Variants in ZNF704 observed in about 807,000 individuals in gnomAD.
The protein encoded by ZNF704 is zinc finger protein 704, also known as glucocorticoid induced gene 1.
ZNF704 carries 10 observed loss-of-function variants against 44.7 expected under a neutral mutation model. That is an observed-to-expected ratio of 0.22 (90% CI 0.14 to 0.38). The LOEUF (loss-of-function observed/expected upper bound fraction) is 0.38, where lower values mean the gene tolerates loss of function less well. Ranked by LOEUF, ZNF704 falls within the 10% of genes least tolerant of loss-of-function variation. The pLI is 1.00. For missense variants in ZNF704, 390 were observed against 545.5 expected (o/e 0.71, Z 2.84); for synonymous variants, 211 against 207.6 (o/e 1.02, Z -0.14).
At chr8:80,748,468 C>G (rs781442542) in intron 2 of ZNF704, among the ~76,000 whole-genome samples, 8 of 152,226 alleles carry the variant, frequency 5.3e-5, no homozygotes, top group Non-Finnish European at 1.2e-4. Context: ...GCTCCAGCAT[C>G]AGTGCCTTCA....
intron 2 of ZNF704, among the ~76,000 whole-genome samples, chr8:80,807,506 G>A (rs879748971): frequency 1.3e-5 from 2 of 151,616 alleles, no homozygotes; most frequent in Non-Finnish European, 2.9e-5. Flanking sequence ...CTTCTAAGTG[G>A]GTACCCAATA....
intron 3 of ZNF704, among the ~76,000 whole-genome samples, chr8:80,690,674 G>C (rs1818616612): frequency 6.6e-6 from 1 of 152,202 alleles, no homozygotes; most frequent in South Asian, 2.1e-4. Context: ...AATGGGAGTA[G>C]TCAGGCCCAT....
At chr8:80,802,701 G>A (rs1002437511) in intron 2 of ZNF704, among the ~76,000 whole-genome samples, 1 of 151,834 alleles carries the variant, frequency 6.6e-6, no homozygotes, top group Admixed American at 6.6e-5. Flanking sequence ...AAAATAATAC[G>A]AGCCATATAT....
intron 2 of ZNF704, among the ~76,000 whole-genome samples, chr8:80,740,030 G>A (rs1419279200): frequency 6.6e-6 from 1 of 152,102 alleles, no homozygotes; most frequent in Non-Finnish European, 1.5e-5. Flanking sequence ...ACTGTCTCCT[G>A]GATGCTGGCA....
At position 80,874,264 on chromosome 8, in the gene ZNF704, G is replaced by T. The variant is rs1475570582; in HGVS notation, c.-22+307C>A. ...GACGCCGGCGGCCGGCGGCTACGGC[G>T]GGGCGGCGCGGCGGCCGCGGGCGGG... On this transcript the variant is annotated intron_variant, in intron 1 of 8. Coordinates refer to ENST00000327835, the MANE Select transcript of ZNF704 (RefSeq NM_001033723.3). The surrounding 1 kb of genome is among the most constrained non-coding windows in gnomAD (Gnocchi z 4.4). Among the ~76,000 whole-genome samples, 4 of 144,472 alleles carry T rather than the reference G, an allele frequency of 2.8e-5. No individual in the cohort carries two copies. The highest frequency in any genetic ancestry group is 6.1e-5 in the Non-Finnish European group (4 of 65,180). The allele number at this position is 144,472 out of a possible 152,430, so 94.8% of individuals were successfully genotyped here.
rs1817769322 is a variant in ZNF704 at position 80,643,042 on chromosome 8, T to A, written c.1120A>T (p.Ser374Cys). Residue 374 changes from serine to cysteine, a missense_variant, in exon 8 of 9, where the codon AGC becomes TGC. Physicochemically the swap from Ser to Cys is moderately radical, Grantham distance 112. Transcript: ENST00000327835. ...VLSSPPRGTV[S>C]LRKPRGEGKK... ...TTTTTTAAGCTGTCGTACCTTAAGC[T>A]GACTGTGCCTCTGGGTGGGGAGGAC... The A allele has an allele frequency of 6.3e-7, 1 of 1,585,562 alleles. No homozygotes were observed. Among genetic ancestry groups the A allele is most frequent in the African/African-American group, 1.4e-5 (1 of 73,754 alleles).
chr8:80,665,331 T>C (rs115376529), intron 5 of ZNF704, among the ~76,000 whole-genome samples: 345 of 152,342 alleles, frequency 2.3e-3, no homozygotes, highest in African/African-American at 7.9e-3. Flanking sequence ...ATTGAGAATC[T>C]AATATGTTCA....
chr8:80,796,981 G>GAGGA (rs1807815692), intron 2 of ZNF704, among the ~76,000 whole-genome samples: 1 of 135,528 alleles, frequency 7.4e-6, no homozygotes, highest in South Asian at 2.8e-4. Flanking sequence ...GGGAGGGAGG[G>GAGGA]AGGGAGGGAG....
intron 5 of ZNF704, among the ~76,000 whole-genome samples, chr8:80,665,870 A>C (rs1374134556): frequency 2.0e-5 from 3 of 151,644 alleles, no homozygotes; most frequent in Non-Finnish European, 4.4e-5. Context: ...AGACCTCCTC[A>C]GCCATACTTC....
At chr8:80,705,038 G>A (rs1818873656) in intron 2 of ZNF704, among the ~76,000 whole-genome samples, 2 of 152,272 alleles carry the variant, frequency 1.3e-5, no homozygotes, top group East Asian at 1.9e-4. Flanking sequence ...GGTAGACAGT[G>A]TCACATTTGA....
chr8:80,775,301 T>C (rs2129678566), intron 2 of ZNF704, among the ~76,000 whole-genome samples: 1 of 152,348 alleles, frequency 6.6e-6, no homozygotes, highest in Middle Eastern at 3.4e-3. Flanking sequence ...TTTGTGAATT[T>C]TGTTTCTTTC....
Position 80,659,595 on chromosome 8 carries a change from G to C in ZNF704, c.1022C>G (p.Thr341Arg), listed in dbSNP as rs1818067596. The C allele has an allele frequency of 4.3e-6, 7 of 1,613,756 alleles. No homozygotes were observed. The East Asian group carries it at 1.6e-4, about 36-fold the overall frequency. ...CGTTTTTCTACTTACTGGGATGCCTGTGAAAGTGACCGGAGGAGATTGCCA... is the reference window on the plus strand; with the variant it reads ...CGTTTTTCTACTTACTGGGATGCCTCTGAAAGTGACCGGAGGAGATTGCCA... ...ISWQSPPVTF[T>R]GIPVSPTHHP... The change falls in exon 7 of 9, where the codon ACA (threonine) becomes AGA (arginine). Residue 341 changes from threonine (T) to arginine (R), a missense_variant. By Grantham distance (71) the Thr-to-Arg change is moderately conservative (BLOSUM62 -1). Coordinates refer to ENST00000327835, the MANE Select transcript of ZNF704 (RefSeq NM_001033723.3).
At chr8:80,762,638 C>A (rs763471759) in intron 2 of ZNF704, among the ~76,000 whole-genome samples, 1 of 152,128 alleles carries the variant, frequency 6.6e-6, no homozygotes, top group African/African-American at 2.4e-5. Context: ...AGGGACATAG[C>A]CAAACCATAT....
chr8:80,862,264 A>C (rs1344910796), intron 1 of ZNF704, among the ~76,000 whole-genome samples: 1 of 152,016 alleles, frequency 6.6e-6, no homozygotes, highest in Non-Finnish European at 1.5e-5. Flanking sequence ...TTTAACACAT[A>C]AAGCTAGGCA....
chr8:80,641,914 T>C (rs1817750946), intron 8 of ZNF704, among the ~76,000 whole-genome samples: 2 of 152,216 alleles, frequency 1.3e-5, no homozygotes, highest in African/African-American at 4.8e-5. Context: ...CTGTTAAAAT[T>C]TGCTACCATA....
chr8:80,871,762 AT>A (rs1409274065), intron 1 of ZNF704, among the ~76,000 whole-genome samples: 77 of 152,366 alleles, frequency 5.1e-4, no homozygotes, highest in African/African-American at 1.8e-3. Context: ...ATCTAGTGAT[AT>A]TCCATTAGAA....
chr8:80,700,679 G>A (rs895766578), intron 2 of ZNF704, among the ~76,000 whole-genome samples: 6 of 152,126 alleles, frequency 3.9e-5, no homozygotes, highest in African/African-American at 1.4e-4. Flanking sequence ...TGTGAGTTGG[G>A]GGTGATTAGA....
At position 80,693,211 on chromosome 8, in the gene ZNF704, A is replaced by G. The variant is rs541559307; in HGVS notation, c.222-104T>C. On this transcript the variant is annotated intron_variant, in intron 2 of 8. Coordinates refer to ENST00000327835, the MANE Select transcript of ZNF704 (RefSeq NM_001033723.3). ...GCATTTACTCCATTAACTTATCCCCATGAACAACCGATGTTCTGTTAGCTT... is the reference window on the plus strand; with the variant it reads ...GCATTTACTCCATTAACTTATCCCCGTGAACAACCGATGTTCTGTTAGCTT... 3.3e-6 allele frequency: 3 copies of G among 905,760 alleles called. No individual in the cohort carries two copies. The South Asian group carries it at 4.4e-5, about 13-fold the overall frequency. The allele number at this position is 905,760 out of a possible 1,614,324, so 56.1% of individuals were successfully genotyped here. A position where few individuals can be genotyped will look rare whatever the true frequency, so the allele number is the denominator to read the frequency against.
chr8:80,641,141 A>G lies in ZNF704; in HGVS notation c.*225T>C, dbSNP rs1817736169. On this transcript the variant is annotated 3_prime_UTR_variant, in exon 9 of 9. Transcript: ENST00000327835. ...TTTTGAAGGAAAAAAAACTAGTTAT[A>G]GCTGCTCCAAGCTGGGTTCTCAGTA... 2.7e-6 allele frequency: 1 copy of G among 364,588 alleles called. No individual in the cohort carries two copies. The highest frequency in any genetic ancestry group is 4.9e-6 in the Non-Finnish European group (1 of 203,654). 22.6% of individuals were successfully genotyped at this position (364,588 alleles called of 1,614,324 possible).
Sources: gnomAD v4.1 joint callset for allele counts (sites outside exome capture counted in the v4.1 genomes callset) on GRCh38, gnomAD v4.1.1 for gene constraint, Gnocchi (gnomAD v3.1) non-coding constraint, MANE v1.5 for transcripts, NCBI Gene and HGNC (gene_info 2026-07-23, HGNC 2026-07-21) for gene names.